The following NPEPPS variants were observed in gnomAD, a reference collection of about 807,000 sequenced individuals.
NPEPPS encodes the protein puromycin-sensitive aminopeptidase.
Under a neutral mutation model 115.5 loss-of-function variants are expected in NPEPPS, and 14 were observed. The ratio of observed to expected loss-of-function variants is 0.12; its 90% CI spans 0.08 to 0.19. The LOEUF (loss-of-function observed/expected upper bound fraction) is 0.19, where lower values mean the gene tolerates loss of function less well. Among genes scored for constraint, NPEPPS ranks in the 10% least tolerant of loss-of-function variants. The probability of loss-of-function intolerance (pLI) is 1.00; values close to 1 mark genes in which losing one functional copy is unlikely to be tolerated. For missense variants in NPEPPS, 523 were observed against 1,110.8 expected (o/e 0.47, Z 7.52); for synonymous variants, 285 against 390.6 (o/e 0.73, Z 3.19).
intron 3 of NPEPPS, among the ~76,000 whole-genome samples, chr17:47,577,371 T>C (rs1911577021): frequency 6.6e-6 from 1 of 152,104 alleles, no homozygotes; most frequent in African/African-American, 2.4e-5. Flanking sequence ...AGTAGGTTTT[T>C]ATAATCTGTT....
intron 5 of NPEPPS, among the ~76,000 whole-genome samples, chr17:47,585,201 A>G (rs1912113848): frequency 6.6e-6 from 1 of 152,170 alleles, no homozygotes; most frequent in Non-Finnish European, 1.5e-5. Context: ...CTTAACTTAA[A>G]TCATCCCAAT....
At chr17:47,592,301 A>G (rs1912557113) in intron 11 of NPEPPS, among the ~76,000 whole-genome samples, 184 bp from the exon 12 acceptor site, 2 of 152,178 alleles carry the variant, frequency 1.3e-5, no homozygotes, top group Admixed American at 6.6e-5. Context: ...ACTTAAGAGC[A>G]AGAATAGAAG....
intron 1 of NPEPPS, among the ~76,000 whole-genome samples, chr17:47,543,015 T>C (rs1480383184): frequency 1.3e-5 from 2 of 151,892 alleles, no homozygotes; most frequent in Non-Finnish European, 2.9e-5. Flanking sequence ...TGCACACCTG[T>C]AATCCCAGCT....
In NPEPPS at chr17:47,605,320, T is replaced by A; in HGVS notation, c.1876-13T>A. Reference sequence around the variant, plus strand: ...TTGAAGACTAGGTTAATTTATGTTTTTTCCTATCCCAGGCTCGAGCTGGAA... The same window carrying A: ...TTGAAGACTAGGTTAATTTATGTTTATTCCTATCCCAGGCTCGAGCTGGAA... On this transcript the variant is annotated splice_polypyrimidine_tract_variant and intron_variant, in intron 16 of 22. Transcript: ENST00000322157. 6.4e-7 allele frequency: 1 copy of A among 1,567,590 alleles called. No individual in the cohort carries two copies. Among genetic ancestry groups the A allele is most frequent in the Non-Finnish European group, 8.6e-7 (1 of 1,158,034 alleles).
intron 3 of NPEPPS, among the ~76,000 whole-genome samples, chr17:47,572,647 G>C (rs961131253): frequency 1.3e-5 from 2 of 152,194 alleles, no homozygotes; most frequent in African/African-American, 4.8e-5. Flanking sequence ...AGTGTTAAAA[G>C]ATGAAGTTGA....
At chr17:47,540,930 C>G (rs1404654025) in intron 1 of NPEPPS, among the ~76,000 whole-genome samples, 1 of 152,010 alleles carries the variant, frequency 6.6e-6, no homozygotes, top group Non-Finnish European at 1.5e-5. Context: ...TTTGGTTCCT[C>G]CCTCCCACCC....
chr17:47,542,504 C>A (rs1908837519), intron 1 of NPEPPS, among the ~76,000 whole-genome samples: 2 of 149,480 alleles, frequency 1.3e-5, no homozygotes, highest in African/African-American at 4.9e-5. Context: ...CGAGATCACG[C>A]CATTGCACTC....
chr17:47,584,899 C>T (rs1912092600), intron 5 of NPEPPS, among the ~76,000 whole-genome samples: 1 of 152,162 alleles, frequency 6.6e-6, no homozygotes, highest in African/African-American at 2.4e-5. Context: ...GTGATCCCAG[C>T]TCACTGCAAG....
At chr17:47,542,524 C>T (rs1166436116) in intron 1 of NPEPPS, among the ~76,000 whole-genome samples, 1 of 122,196 alleles carries the variant, frequency 8.2e-6, no homozygotes, top group Non-Finnish European at 1.6e-5. Context: ...CCAGCCTGGG[C>T]AACAAGAGCG....
chr17:47,576,941 GAATAGT>G (rs1391360328), intron 3 of NPEPPS: 1 of 221,880 alleles, frequency 4.5e-6, no homozygotes, highest in Admixed American at 5.4e-5. Context: ...TCTACTATAT[GAATAGT>G]AAGTAAATAC....
At chr17:47,530,644 A>G (rs151301802), upstream of NPEPPS, among the ~76,000 whole-genome samples, 1,844 of 152,270 alleles carry the variant, frequency 0.012, 41 homozygotes, top group African/African-American at 0.043. Context: ...GGCGTGAGAC[A>G]CTGCGCCCGG....
At chr17:47,609,150 G>A (rs1005776449) in intron 17 of NPEPPS, among the ~76,000 whole-genome samples, 1 of 152,148 alleles carries the variant, frequency 6.6e-6, no homozygotes, top group Non-Finnish European at 1.5e-5. Flanking sequence ...TGCTCAGGAG[G>A]CTGAGACAGG....
upstream of NPEPPS, among the ~76,000 whole-genome samples, chr17:47,527,435 G>A (rs1907479490): frequency 6.6e-6 from 1 of 151,774 alleles, no homozygotes; most frequent in African/African-American, 2.4e-5. Flanking sequence ...AGTGAGCCGA[G>A]CTCACACCAT....
chr17:47,535,777 G>C (rs1908193911), intron 1 of NPEPPS, among the ~76,000 whole-genome samples: 1 of 148,080 alleles, frequency 6.8e-6, no homozygotes, highest in Non-Finnish European at 1.5e-5. Flanking sequence ...GTTTATGTGT[G>C]TGACTACTAT....
chr17:47,533,626 TAAAGA>T (rs1384363536), intron 1 of NPEPPS, among the ~76,000 whole-genome samples: 1 of 152,172 alleles, frequency 6.6e-6, no homozygotes, highest in African/African-American at 2.4e-5. Context: ...GATTACTTAT[TAAAGA>T]AGTGAGTTTG....
At chr17:47,547,900 C>T (rs1436066354) in intron 2 of NPEPPS, among the ~76,000 whole-genome samples, 2 of 152,120 alleles carry the variant, frequency 1.3e-5, no homozygotes, top group Non-Finnish European at 2.9e-5. Flanking sequence ...GTGGCGGGCG[C>T]CTGTGGTCCC....
At chr17:47,582,701 G>A (rs901000134) in intron 4 of NPEPPS, 41 bp from the exon 5 acceptor site, 1 of 793,272 alleles carries the variant, frequency 1.3e-6, no homozygotes, top group African/African-American at 1.7e-5. Flanking sequence ...AACTTGTTAG[G>A]TTAATTCTAA....
At chr17:47,613,634 AT>A (rs997950638) in intron 18 of NPEPPS, 34 bp from the exon 19 acceptor site, 6 of 1,522,168 alleles carry the variant, frequency 3.9e-6, no homozygotes, top group African/African-American at 1.4e-5. Flanking sequence ...AACAAGGTAC[AT>A]TTAATCAAAT....
chr17:47,564,681 G>A (rs1211408309), intron 2 of NPEPPS, among the ~76,000 whole-genome samples: 1 of 148,790 alleles, frequency 6.7e-6, no homozygotes, highest in Non-Finnish European at 1.5e-5. Context: ...TTATATATTA[G>A]TATTAATGTA....
Sources: allele counts gnomAD v4.1 joint callset (sites outside exome capture counted in the v4.1 genomes callset), GRCh38; gene constraint gnomAD v4.1.1; transcripts MANE v1.5; gene names NCBI Gene and HGNC (gene_info 2026-07-23, HGNC 2026-07-21).